Variants in C12orf50 observed in about 807,000 individuals in gnomAD.
C12orf50 encodes the protein zinc finger CCCH-type containing 11D.
Under a neutral mutation model 61.6 loss-of-function variants are expected in C12orf50, and 35 were observed. That is an observed-to-expected ratio of 0.57 (90% confidence interval 0.43 to 0.75). The LOEUF is 0.75. Among genes scored for constraint, C12orf50 ranks in the 30% least tolerant of loss-of-function variants. The pLI, the probability that C12orf50 is intolerant of heterozygous loss-of-function variation, is 0.00. For missense variants in C12orf50, 475 were observed against 488.5 expected (o/e 0.97, Z 0.26); for synonymous variants, 178 against 161.5 (o/e 1.10, Z -0.77).
intron 1 of C12orf50, 88 bp from the exon 2 acceptor site, chr12:88,027,158 A>T: frequency 7.6e-7 from 1 of 1,309,222 alleles, no homozygotes; most frequent in Non-Finnish European, 1.0e-6. Flanking sequence ...TAAACGAAAT[A>T]TGAGTAGATT....
intron 12 of C12orf50, 71 bp downstream of exon 12, chr12:87,983,032 A>G: frequency 1.2e-6 from 1 of 853,042 alleles, no homozygotes; most frequent in Non-Finnish European, 1.8e-6. Context: ...TTTCTAAAAC[A>G]CTCCTTGCAC....
chr12:88,012,308 T>C (rs983855068), intron 3 of C12orf50, among the ~76,000 whole-genome samples: 1 of 152,224 alleles, frequency 6.6e-6, no homozygotes, highest in African/African-American at 2.4e-5. Flanking sequence ...AATGCAATCA[T>C]AATGCAGTAT....
intron 3 of C12orf50, among the ~76,000 whole-genome samples, chr12:88,022,538 C>G (rs117326337): frequency 6.6e-6 from 1 of 152,012 alleles, no homozygotes; most frequent in East Asian, 1.9e-4. Flanking sequence ...GAAAAGACAT[C>G]CAAATAGGAA....
chr12:87,996,481 T>G lies in C12orf50; in HGVS notation c.374A>C (p.Tyr125Ser). The change falls in exon 6 of 13, where the codon TAC (tyrosine) becomes TCC (serine). Residue 125 changes from tyrosine (Y) to serine (S), a missense_variant. Physicochemically the swap from Tyr to Ser is moderately radical, Grantham distance 144. Transcript: ENST00000298699. ...ATCTGGAGGAGTATGAAATCTGTAG[T>G]ATTCCCCTAATCAACCATAAGAAAA... ...IKEMCYKSGE[Y>S]YRFHTPPDIL... 1.2e-6 allele frequency: 2 copies of G among 1,609,036 alleles called. No homozygotes were observed. The highest frequency in any genetic ancestry group is 1.7e-6 in the Non-Finnish European group (2 of 1,175,680).
At chr12:87,992,128 C>T (rs558777048) in intron 7 of C12orf50, among the ~76,000 whole-genome samples, 1 of 152,236 alleles carries the variant, frequency 6.6e-6, no homozygotes, top group South Asian at 2.1e-4. Flanking sequence ...AGTTCTGAGG[C>T]TTGTTAGTGA....
At chr12:88,016,013 T>A (rs1285331134) in intron 3 of C12orf50, among the ~76,000 whole-genome samples, 2 of 152,096 alleles carry the variant, frequency 1.3e-5, no homozygotes, top group Non-Finnish European at 2.9e-5. Flanking sequence ...TAATAGGAAA[T>A]TGCCTTTGGC....
chr12:87,996,649 A>G lies in C12orf50; in HGVS notation c.290-3T>C, dbSNP rs1406191388. 5.0e-6 allele frequency: 8 copies of G among 1,591,404 alleles called. No individual in the cohort carries two copies. In the Admixed American group the frequency reaches 8.5e-5, roughly 17 times the overall value. On this transcript the variant is annotated splice_region_variant and splice_polypyrimidine_tract_variant and intron_variant, in intron 4 of 12. Coordinates refer to ENST00000298699, the MANE Select transcript of C12orf50 (RefSeq NM_152589.3). ...CTTTGTCCATAAACTAGAAGCATCT[A>G]TAGGATATAGATTTTTTAAATTAAA...
intron 4 of C12orf50, among the ~76,000 whole-genome samples, chr12:87,997,566 C>A (rs1176620389): frequency 1.3e-5 from 2 of 152,110 alleles, no homozygotes; most frequent in Non-Finnish European, 2.9e-5. Flanking sequence ...TCCCCTGGCC[C>A]TCCACCCCAC....
intron 3 of C12orf50, among the ~76,000 whole-genome samples, chr12:88,018,505 C>T (rs1335218615): frequency 6.6e-6 from 1 of 152,216 alleles, no homozygotes; most frequent in Non-Finnish European, 1.5e-5. Flanking sequence ...AGAGCTGCTA[C>T]ACAAAGTCCC....
At chr12:88,010,223 T>C (rs1287458370) in intron 3 of C12orf50, among the ~76,000 whole-genome samples, 1 of 152,036 alleles carries the variant, frequency 6.6e-6, no homozygotes, top group Non-Finnish European at 1.5e-5. Flanking sequence ...CTCTATCACT[T>C]CATAGGCCTT....
chr12:88,026,108 A>T (rs1259240825), intron 3 of C12orf50, among the ~76,000 whole-genome samples: 1 of 152,146 alleles, frequency 6.6e-6, no homozygotes, highest in Non-Finnish European at 1.5e-5. Flanking sequence ...CACCTACGAG[A>T]TAGCTTTCCG....
intron 3 of C12orf50, among the ~76,000 whole-genome samples, chr12:88,025,146 A>C (rs1020839642): frequency 1.1e-4 from 17 of 152,214 alleles, no homozygotes; most frequent in Non-Finnish European, 2.4e-4. Flanking sequence ...GAAATGATTC[A>C]GTAAGAGTGA....
chr12:87,980,218 A>G lies in C12orf50; in HGVS notation c.*113T>C, dbSNP rs1592638804. 2 of 1,030,718 alleles carry G rather than the reference A, an allele frequency of 1.9e-6. No individual in the cohort carries two copies. The highest frequency in any genetic ancestry group is 4.8e-5 in the East Asian group (2 of 41,826). The allele number at this position is 1,030,718 out of a possible 1,614,324, so 63.8% of individuals were successfully genotyped here. ...GCATTTTTATCATCTTTGGCTATCC[A>G]CTACATAACATGGAGTACTTGAGTA... On this transcript the variant is annotated 3_prime_UTR_variant, in exon 13 of 13. Coordinates refer to ENST00000298699, the MANE Select transcript of C12orf50 (RefSeq NM_152589.3).
intron 7 of C12orf50, among the ~76,000 whole-genome samples, chr12:87,993,968 G>A (rs2031255402): frequency 6.6e-6 from 1 of 152,084 alleles, no homozygotes; most frequent in African/African-American, 2.4e-5. Flanking sequence ...GGGAGGCCAA[G>A]GCGGGCAAAT....
At chr12:88,001,695 CT>C (rs1301675496) in intron 3 of C12orf50, among the ~76,000 whole-genome samples, 1 of 151,334 alleles carries the variant, frequency 6.6e-6, no homozygotes, top group African/African-American at 2.4e-5. Context: ...CAATTTTTTT[CT>C]TTTTTTCTAG....
At chr12:88,005,633 A>T (rs1230810365) in intron 3 of C12orf50, among the ~76,000 whole-genome samples, 8 of 152,070 alleles carry the variant, frequency 5.3e-5, no homozygotes, top group East Asian at 1.9e-4. Flanking sequence ...TATGTTATTT[A>T]TTTTATTTAT....
At chr12:88,015,190 A>G (rs1390608586) in intron 3 of C12orf50, among the ~76,000 whole-genome samples, 5 of 152,164 alleles carry the variant, frequency 3.3e-5, no homozygotes, top group African/African-American at 4.8e-5. Context: ...CCTTATAACC[A>G]TTATGAATTG....
chr12:87,995,303 A>C (rs911567462), intron 6 of C12orf50, among the ~76,000 whole-genome samples: 24 of 152,226 alleles, frequency 1.6e-4, no homozygotes, highest in African/African-American at 4.8e-4. Flanking sequence ...ACTATAAAGC[A>C]CATTAATGGC....
At chr12:88,014,725 A>AT (rs1342453699) in intron 3 of C12orf50, among the ~76,000 whole-genome samples, 1 of 152,208 alleles carries the variant, frequency 6.6e-6, no homozygotes, top group Non-Finnish European at 1.5e-5. Context: ...AAATCGGGAG[A>AT]TTAACTGTAT....
Sources: allele counts gnomAD v4.1 joint callset (sites outside exome capture counted in the v4.1 genomes callset), GRCh38; gene constraint gnomAD v4.1.1; transcripts MANE v1.5; gene names NCBI Gene and HGNC (gene_info 2026-07-23, HGNC 2026-07-21).